ACAN: variants seen among roughly 807,000 people sequenced by gnomAD.
ACAN encodes aggrecan core protein.
Under a neutral mutation model 169.1 loss-of-function variants are expected in ACAN, and 47 were observed. That is an observed-to-expected ratio of 0.28 (90% CI 0.22 to 0.35). The LOEUF is 0.35. Ranked by LOEUF, ACAN falls within the 10% of genes least tolerant of loss-of-function variation. The pLI, the probability that ACAN is intolerant of heterozygous loss-of-function variation, is 1.00. For synonymous variants in ACAN, 1,115 were observed against 1,112.2 expected, an observed-to-expected ratio of 1.00 and a Z score of -0.05; for missense variants, 2,716 against 2,759.9, an observed-to-expected ratio of 0.98 and a Z score of 0.36.
In ACAN at chr15:88,861,956, G is replaced by A. The variant is rs1897202542; in HGVS notation, c.6946+1517G>A. 6.6e-6 allele frequency among the ~76,000 whole-genome samples: 1 copy of A among 152,200 alleles called. No individual in the cohort carries two copies. Among genetic ancestry groups the A allele is most frequent in the African/African-American group, 2.4e-5 (1 of 41,432 alleles). ...GATTTCTCCCCAGATGGCTCTGTAA[G>A]CAGCTTGGTAACTACCCCCATTTGA... On this transcript the variant is annotated intron_variant, in intron 13 of 18. Coordinates refer to ENST00000560601, the MANE Select transcript of ACAN (RefSeq NM_001369268.1). The surrounding 1 kb of genome is among the most constrained non-coding windows in gnomAD (Gnocchi z 6.3).
At chr15:88,837,212 G>A (rs1005768362) in intron 2 of ACAN, among the ~76,000 whole-genome samples, 1 of 152,182 alleles carries the variant, frequency 6.6e-6, no homozygotes, top group Non-Finnish European at 1.5e-5. Flanking sequence ...CTGTGGGGCT[G>A]AGATAAGCAC....
In ACAN at chr15:88,851,692, C is replaced by A; in HGVS notation, c.2027-102C>A. On this transcript the variant is annotated intron_variant, in intron 10 of 18. Coordinates refer to ENST00000560601, the MANE Select transcript of ACAN (RefSeq NM_001369268.1). This position sits in a 1 kb window ranked among gnomAD's most constrained non-coding sequence, Gnocchi z 4.3. ...CCATCTGCTGAACTAGGAGGTGGGG[C>A]CTGGCCACCTCAGAGTCCCCTAGCT... The A allele has an allele frequency of 7.2e-7, 1 of 1,394,980 alleles. No homozygotes were observed. The highest frequency in any genetic ancestry group is 2.8e-5 in the Admixed American group (1 of 36,322). The allele number at this position is 1,394,980 out of a possible 1,614,324, so 86.4% of individuals were successfully genotyped here. A position where few individuals can be genotyped will look rare whatever the true frequency, so the allele number is the denominator to read the frequency against.
In ACAN at chr15:88,848,129, C is replaced by T; in HGVS notation, c.1732+91C>T. 4 of 1,517,916 alleles carry T rather than the reference C, an allele frequency of 2.6e-6. No individual in the cohort carries two copies. In the South Asian group the frequency reaches 5.1e-5, roughly 19 times the overall value. 94.0% of individuals were successfully genotyped at this position (1,517,916 alleles called of 1,614,324 possible). ...CGATACAAAGAAGAGAGGGGGTTAC[C>T]ACCCACCCACCCCTGATTCCACCCA... On this transcript the variant is annotated intron_variant, in intron 9 of 18. Coordinates refer to ENST00000560601, the MANE Select transcript of ACAN (RefSeq NM_001369268.1).
intron 5 of ACAN, among the ~76,000 whole-genome samples, chr15:88,842,760 G>T (rs1896697407): frequency 6.6e-6 from 1 of 152,182 alleles, no homozygotes; most frequent in Non-Finnish European, 1.5e-5. Flanking sequence ...GGGGTAGCCA[G>T]AACCACCCCT....
intron 7 of ACAN, among the ~76,000 whole-genome samples, chr15:88,846,207 T>C (rs1896789185): frequency 6.6e-6 from 1 of 152,110 alleles, no homozygotes; most frequent in Non-Finnish European, 1.5e-5. Context: ...GGGCCCCTCC[T>C]TGCCCCATCA....
At position 88,840,022 on chromosome 15, in the gene ACAN, C is replaced by T. The variant is rs1447495169; in HGVS notation, c.465C>T (p.Phe155=). The change falls in exon 4 of 19, where the codon TTC becomes TTT. Residue 155 remains phenylalanine (F), a synonymous_variant. Coordinates refer to ENST00000560601, the MANE Select transcript of ACAN (RefSeq NM_001369268.1). Reference sequence around the variant, plus strand: ...GTATGTGTCTTGCAGGCATCGTGTTCCATTACAGAGCCATCTCTACACGCT... The same window carrying T: ...GTATGTGTCTTGCAGGCATCGTGTTTCATTACAGAGCCATCTCTACACGCT... ...TLEVVVKGIV[F]HYRAISTRYT... The T allele has an allele frequency of 6.3e-7, 1 of 1,599,840 alleles. No homozygotes were observed. Among genetic ancestry groups the T allele is most frequent in the Admixed American group, 1.7e-5 (1 of 58,238 alleles).
At position 88,872,011 on chromosome 15, in the gene ACAN, C is replaced by T; in HGVS notation, c.7228C>T (p.Gln2410Ter). 6.2e-7 allele frequency: 1 copy of T among 1,613,882 alleles called. No homozygotes were observed. The highest frequency in any genetic ancestry group is 8.5e-7 in the Non-Finnish European group (1 of 1,179,842). Reference protein sequence around the residue: ...EEQEFVNNNAQDYQWIGLNDR... With the variant: ...EEQEFVNNNA The stretch of plus-strand genomic sequence containing the variant: ...CCTCACCCTTTCCCCAGACAATGCC[C>T]AAGACTACCAGTGGATCGGCCTGAA... The change falls in exon 16 of 19, where the codon CAA (glutamine) becomes TAA (stop). Residue 2410 changes from glutamine (Q) to a stop codon, truncating the protein, a stop_gained. Transcript: ENST00000560601. LOFTEE classifies it high-confidence loss of function. The surrounding 1 kb of genome is among the most constrained non-coding windows in gnomAD (Gnocchi z 5.4).
chr15:88,833,700 C>A (rs1341693283), intron 1 of ACAN, among the ~76,000 whole-genome samples: 2 of 149,334 alleles, frequency 1.3e-5, no homozygotes, highest in Non-Finnish European at 3.0e-5. Context: ...AAATTAGTTT[C>A]TCTGCCCACT....
chr15:88,844,064 G>A (rs1380916224), intron 6 of ACAN, among the ~76,000 whole-genome samples: 1 of 152,186 alleles, frequency 6.6e-6, no homozygotes, highest in Non-Finnish European at 1.5e-5. Context: ...ACCCATGGGA[G>A]GGTGCTGCTA....
chr15:88,849,527 A>G lies in ACAN; in HGVS notation c.1822A>G (p.Thr608Ala), dbSNP rs1896880298. ...ATCTCACAATGCTACGCTGGCCACC[A>G]CGGGCCAGCTCTACGCCGCCTGGAG... is the stretch of plus-strand genomic sequence containing the variant. Reference protein sequence around the residue: ...CESHNATLATTGQLYAAWSRG... With the variant: ...CESHNATLATAGQLYAAWSRG... The change falls in exon 10 of 19, where the codon ACG becomes GCG. Residue 608 changes from threonine (T) to alanine (A), a missense_variant. Coordinates refer to ENST00000560601, the MANE Select transcript of ACAN (RefSeq NM_001369268.1). The surrounding 1 kb of genome is among the most constrained non-coding windows in gnomAD (Gnocchi z 5.1). 1.9e-6 allele frequency: 3 copies of G among 1,606,534 alleles called. No homozygotes were observed. The highest frequency in any genetic ancestry group is 1.1e-5 in the South Asian group (1 of 89,986).
rs768550654 is a variant in ACAN at position 88,866,569 on chromosome 15, G to T, written c.6947-1647G>T. Among the ~76,000 whole-genome samples, 8 of 151,868 alleles carry T rather than the reference G, an allele frequency of 5.3e-5. No homozygotes were observed. The highest frequency in any genetic ancestry group is 1.0e-4 in the Non-Finnish European group (7 of 67,964). ...TTGGAACTGTTGGTTCTAGTCTATG[G>T]TGTGCCCCCCCGAGATGAAGTTAAA... On this transcript the variant is annotated intron_variant, in intron 13 of 18. Transcript: ENST00000560601. The surrounding 1 kb of genome is among the most constrained non-coding windows in gnomAD (Gnocchi z 5.6).
At chr15:88,834,588 T>C (rs1232085695) in intron 1 of ACAN, among the ~76,000 whole-genome samples, 1 of 152,246 alleles carries the variant, frequency 6.6e-6, no homozygotes, top group Admixed American at 6.5e-5. Context: ...TCCAATCTTT[T>C]CTTTAGTCCC....
At chr15:88,852,329 G>A (rs372524000) in intron 11 of ACAN, among the ~76,000 whole-genome samples, 68 of 152,248 alleles carry the variant, frequency 4.5e-4, no homozygotes, top group African/African-American at 1.6e-3. Context: ...CTGATGAGAG[G>A]GCCCTCAGTT....
chr15:88,849,591 A>G lies in ACAN; in HGVS notation c.1886A>G (p.Asp629Gly). The G allele has an allele frequency of 6.2e-7, 1 of 1,608,372 alleles. No individual in the cohort carries two copies. Residue 629 changes from aspartate to glycine, a missense_variant, in exon 10 of 19, where the codon GAC (aspartate) becomes GGC (glycine). Asp to Gly is a moderately conservative substitution (Grantham distance 94). Around this residue, in one of 3 missense-constraint regions of ACAN, gnomAD observed 1,283 missense variants for 1,281.5 expected, o/e 1.00. Transcript: ENST00000560601. This position sits in a 1 kb window ranked among gnomAD's most constrained non-coding sequence, Gnocchi z 5.1. ...LDKCYAGWLA[D>G]GSLRYPIVTP... ...AAGTGCTATGCCGGCTGGCTGGCCG[A>G]CGGCAGCCTCCGCTACCCCATCGTC...
intron 1 of ACAN, among the ~76,000 whole-genome samples, chr15:88,811,154 C>T (rs778601464): frequency 2.0e-4 from 30 of 152,210 alleles, no homozygotes; most frequent in Non-Finnish European, 3.1e-4. Flanking sequence ...AGGATCTCAT[C>T]CCTCAGAGAA....
At chr15:88,846,560 G>A (rs147199429) in intron 7 of ACAN, among the ~76,000 whole-genome samples, 3 of 152,220 alleles carry the variant, frequency 2.0e-5, no homozygotes, top group Non-Finnish European at 2.9e-5. Context: ...AATACAGTCA[G>A]TCTTTCATGT....
Position 88,851,842 on chromosome 15 carries a change from C to T in ACAN, c.2075C>T (p.Thr692Ile). 3 of 1,610,870 alleles carry T rather than the reference C, an allele frequency of 1.9e-6. No homozygotes were observed. Among genetic ancestry groups the T allele is most frequent in the Non-Finnish European group, 2.5e-6 (3 of 1,178,554 alleles). ...GGAGAAGAAGAGGGTGGCACACCCACATCACCCTCTGGTGTGGAGGAGTGG... is the reference window on the plus strand; with the variant it reads ...GGAGAAGAAGAGGGTGGCACACCCATATCACCCTCTGGTGTGGAGGAGTGG... The part of the protein sequence containing the change: ...SPGEEEGGTP[T>I]SPSGVEEWIV... The change falls in exon 11 of 19, where the codon ACA (threonine) becomes ATA (isoleucine). Residue 692 changes from threonine (T) to isoleucine (I), a missense_variant. Thr to Ile is a moderately conservative substitution (Grantham distance 89, BLOSUM62 -1). This residue lies in a region of ACAN where 1,283 missense variants were observed against 1,281.5 expected (regional missense o/e 1.00). Coordinates refer to ENST00000560601, the MANE Select transcript of ACAN (RefSeq NM_001369268.1). This position sits in a 1 kb window ranked among gnomAD's most constrained non-coding sequence, Gnocchi z 4.3.
intron 1 of ACAN, among the ~76,000 whole-genome samples, chr15:88,820,044 C>A (rs544289207): frequency 1.3e-5 from 2 of 152,292 alleles, no homozygotes; most frequent in Non-Finnish European, 2.9e-5. Flanking sequence ...TAGGACTAAT[C>A]ACAGTGTGCC....
In ACAN at chr15:88,858,738, T is replaced by G. The variant is rs1189035534; in HGVS notation, c.6153T>G (p.Ser2051=). ...AGGGTGTTACTGAACCAACTATTTC[T>G]CAGGAACTAGGCCAAAGGCCCCCTG... ...FVEGVTEPTI[S]QELGQRPPVT... Residue 2051 remains serine, a synonymous_variant, in exon 12 of 19, where the codon TCT becomes TCG. Coordinates refer to ENST00000560601, the MANE Select transcript of ACAN (RefSeq NM_001369268.1). This position sits in a 1 kb window ranked among gnomAD's most constrained non-coding sequence, Gnocchi z 4.0. The G allele has an allele frequency of 9.3e-6, 15 of 1,613,762 alleles. No homozygotes were observed. The highest frequency in any genetic ancestry group is 1.3e-5 in the Non-Finnish European group (15 of 1,179,888).
Sources: gnomAD v4.1 joint callset for allele counts (sites outside exome capture counted in the v4.1 genomes callset) on GRCh38, gnomAD v4.1.1 for gene constraint, gnomAD v4.1.1 regional missense constraint, Gnocchi (gnomAD v3.1) non-coding constraint, MANE v1.5 for transcripts, NCBI Gene and HGNC (gene_info 2026-07-23, HGNC 2026-07-21) for gene names.